The following PCDH15 variants were observed in gnomAD, a reference collection of about 807,000 sequenced individuals.
PCDH15 encodes protocadherin-15.
PCDH15 carries 129 observed loss-of-function variants against 178.5 expected under a neutral mutation model. The ratio of observed to expected loss-of-function variants is 0.72; its 90% CI spans 0.63 to 0.84. The LOEUF (loss-of-function observed/expected upper bound fraction) is 0.84. Ranked by LOEUF, PCDH15 falls within the 40% of genes least tolerant of loss-of-function variation. The probability of loss-of-function intolerance (pLI) is 0.00; values close to 1 mark genes in which losing one functional copy is unlikely to be tolerated. For synonymous variants in PCDH15, 800 were observed against 732.0 expected (o/e 1.09, Z -1.50); for missense variants, 2,230 against 2,099.9 (o/e 1.06, Z -1.21).
At position 54,769,288 on chromosome 10, in the gene PCDH15, G is replaced by T. The variant is rs1256068153; in HGVS notation, c.-29+31637C>A. 2.0e-5 allele frequency among the ~76,000 whole-genome samples: 3 copies of T among 150,542 alleles called. No homozygotes were observed. The South Asian group carries it at 6.3e-4, about 32-fold the overall frequency. On this transcript the variant is annotated intron_variant, in intron 1 of 37. Coordinates refer to ENST00000644397, the MANE Select transcript of PCDH15 (RefSeq NM_001384140.1). ...AGGGTGTAAGCTTATTGAATAGAAT[G>T]GCAGGCATGCTTGACAGCAGAGTAC...
At chr10:54,624,631 G>A (rs1046317057) in intron 2 of PCDH15, among the ~76,000 whole-genome samples, 1 of 152,312 alleles carries the variant, frequency 6.6e-6, no homozygotes, top group Admixed American at 6.5e-5. Flanking sequence ...TAGGAACTGG[G>A]CTGCATAGCA....
In PCDH15 at chr10:55,515,180, G is replaced by A. The variant is rs1001124589; in HGVS notation, c.-156+112445C>T. On this transcript the variant is annotated intron_variant, in intron 2 of 5. Coordinates refer to the PCDH15 transcript ENST00000613346. Reference sequence around the variant, plus strand: ...ATTTTTGTGTTTTTAATAGAGACGGGGTTTCATCATGTTGGCCAGGCTGGT... The same window carrying A: ...ATTTTTGTGTTTTTAATAGAGACGGAGTTTCATCATGTTGGCCAGGCTGGT... 2.6e-5 allele frequency among the ~76,000 whole-genome samples: 4 copies of A among 151,600 alleles called. No homozygotes were observed. The East Asian group carries it at 7.8e-4, about 30-fold the overall frequency.
intron 2 of PCDH15, among the ~76,000 whole-genome samples, chr10:54,547,573 A>G (rs2086003578): frequency 6.6e-6 from 1 of 152,146 alleles, no homozygotes; most frequent in African/African-American, 2.4e-5. Context: ...ATTTCTCTGC[A>G]TTATTATGTT....
At chr10:55,549,235 TA>T (rs1408727850) in intron 2 of PCDH15, among the ~76,000 whole-genome samples, 4 of 152,178 alleles carry the variant, frequency 2.6e-5, no homozygotes, top group African/African-American at 9.6e-5. Flanking sequence ...CTTAAATTAC[TA>T]AAATATATTC....
At chr10:55,336,197 A>G (rs1844388448) in intron 2 of PCDH15, among the ~76,000 whole-genome samples, 2 of 147,702 alleles carry the variant, frequency 1.4e-5, no homozygotes, top group Non-Finnish European at 3.0e-5. Flanking sequence ...CCCTTGCAGC[A>G]GGGCATAAAA....
chr10:54,618,311 G>C (rs1431825910), intron 2 of PCDH15, among the ~76,000 whole-genome samples: 1 of 152,002 alleles, frequency 6.6e-6, no homozygotes, highest in East Asian at 1.9e-4. Context: ...GCCCTATTAG[G>C]TTTAGTTATC....
At chr10:54,664,087 A>G in intron 2 of PCDH15, 85 bp downstream of exon 2, 1 of 986,812 alleles carries the variant, frequency 1.0e-6, no homozygotes, top group Non-Finnish European at 1.6e-6. Context: ...ACTACAAATT[A>G]GCATTATTCA....
At chr10:55,463,936 A>AGAAG (rs1839746191) in intron 2 of PCDH15, among the ~76,000 whole-genome samples, 2 of 32,994 alleles carry the variant, frequency 6.1e-5, no homozygotes, top group Non-Finnish European at 8.6e-5. Flanking sequence ...AAAGAAAGAA[A>AGAAG]GAAAGAAAGA....
chr10:54,162,258 C>A (rs916558998), intron 13 of PCDH15, among the ~76,000 whole-genome samples: 1 of 152,026 alleles, frequency 6.6e-6, no homozygotes, highest in Non-Finnish European at 1.5e-5. Context: ...TCTTTTAAAC[C>A]ACTGTATGTT....
chr10:54,270,298 T>G, intron 8 of PCDH15, among the ~76,000 whole-genome samples: 1 of 152,102 alleles, frequency 6.6e-6, no homozygotes, highest in South Asian at 2.1e-4. Flanking sequence ...TGTCTTACAG[T>G]GCGTTATTAT....
At chr10:54,841,682 A>G (rs1223212836) in intron 3 of PCDH15, among the ~76,000 whole-genome samples, 1 of 151,792 alleles carries the variant, frequency 6.6e-6, no homozygotes, top group Non-Finnish European at 1.5e-5. Flanking sequence ...ATTTTCTCCA[A>G]TTTACATTAA....
intron 18 of PCDH15, among the ~76,000 whole-genome samples, chr10:54,034,409 T>C (rs1201729937): frequency 6.6e-6 from 1 of 151,984 alleles, no homozygotes; most frequent in Non-Finnish European, 1.5e-5. Flanking sequence ...GCTAGTTTAG[T>C]AATTTTCAGC....
At chr10:55,089,469 A>G (rs1216117329) in intron 2 of PCDH15, among the ~76,000 whole-genome samples, 1 of 152,134 alleles carries the variant, frequency 6.6e-6, no homozygotes, top group East Asian at 1.9e-4. Flanking sequence ...CAAAAATTCA[A>G]ATTAAGAACA....
At chr10:54,140,482 T>C (rs1307082232) in intron 14 of PCDH15, among the ~76,000 whole-genome samples, 1 of 152,080 alleles carries the variant, frequency 6.6e-6, no homozygotes, top group Non-Finnish European at 1.5e-5. Flanking sequence ...CTTTTTTTTT[T>C]TTCTTGAGAC....
At chr10:55,053,414 C>G (rs1454813233) in intron 2 of PCDH15, among the ~76,000 whole-genome samples, 1 of 152,152 alleles carries the variant, frequency 6.6e-6, no homozygotes, top group Non-Finnish European at 1.5e-5. Context: ...AACCCTCTGA[C>G]AGGAGAAATC....
At chr10:55,408,245 G>C (rs1838249424) in intron 2 of PCDH15, among the ~76,000 whole-genome samples, 1 of 151,238 alleles carries the variant, frequency 6.6e-6, no homozygotes, top group Non-Finnish European at 1.5e-5. Flanking sequence ...GAGTGCAGTG[G>C]TGCGATCTCG....
At chr10:53,962,468 G>A (rs1206125905) in intron 21 of PCDH15, among the ~76,000 whole-genome samples, 1 of 152,156 alleles carries the variant, frequency 6.6e-6, no homozygotes, top group Non-Finnish European at 1.5e-5. Context: ...TGATTACCAT[G>A]CTAGGTATTT....
At chr10:55,604,527 G>A (rs1400700556) in intron 2 of PCDH15, among the ~76,000 whole-genome samples, 1 of 142,238 alleles carries the variant, frequency 7.0e-6, no homozygotes, top group Non-Finnish European at 1.5e-5. Flanking sequence ...TAAAAGAACA[G>A]AAATTATAAC....
chr10:55,077,802 C>T (rs1480656127), intron 2 of PCDH15, among the ~76,000 whole-genome samples: 2 of 152,168 alleles, frequency 1.3e-5, no homozygotes, highest in Non-Finnish European at 2.9e-5. Flanking sequence ...CTGGCTTGGC[C>T]TCTCAAAGTG....
Sources: gnomAD v4.1 joint callset for allele counts (sites outside exome capture counted in the v4.1 genomes callset) on GRCh38, gnomAD v4.1.1 for gene constraint, MANE v1.5 for transcripts, NCBI Gene and HGNC (gene_info 2026-07-23, HGNC 2026-07-21) for gene names.